Variants in XRN1 observed in about 807,000 individuals in gnomAD.
The protein encoded by XRN1 is strand-exchange protein 1 homolog.
XRN1 carries 67 observed loss-of-function variants against 222.3 expected under a neutral mutation model. The ratio of observed to expected loss-of-function variants is 0.30; its 90% confidence interval spans 0.25 to 0.37. The LOEUF (loss-of-function observed/expected upper bound fraction) is 0.37, where lower values mean the gene tolerates loss of function less well. Ranked by LOEUF, XRN1 falls within the 10% of genes least tolerant of loss-of-function variation. The pLI, the probability that XRN1 is intolerant of heterozygous loss-of-function variation, is 1.00. For synonymous variants in XRN1, 643 were observed against 652.4 expected (o/e 0.99, Z 0.22); for missense variants, 1,707 against 2,000.2 (o/e 0.85, Z 2.80).
At chr3:142,427,650 T>C (rs147285307) in intron 2 of XRN1, among the ~76,000 whole-genome samples, 227 of 152,330 alleles carry the variant, frequency 1.5e-3, no homozygotes, top group South Asian at 4.1e-3. Context: ...GAAAGCCTAA[T>C]GACATTAATG....
At chr3:142,418,463 AT>A (rs1376664838) in intron 12 of XRN1, 40 bp downstream of exon 12, 3 of 1,482,310 alleles carry the variant, frequency 2.0e-6, no homozygotes, top group Non-Finnish European at 2.8e-6. Flanking sequence ...GCAAAATCTA[AT>A]TTTTTCTATT....
chr3:142,395,267 T>C (rs1238904405), intron 20 of XRN1, among the ~76,000 whole-genome samples: 7 of 152,134 alleles, frequency 4.6e-5, no homozygotes, highest in Non-Finnish European at 7.4e-5. Context: ...GGGGGGAATA[T>C]GGTAGCAAAG....
chr3:142,425,634 T>C (rs2069217059), intron 3 of XRN1, 96 bp from the exon 4 acceptor site: 7 of 978,036 alleles, frequency 7.2e-6, no homozygotes, highest in Non-Finnish European at 9.2e-6. Context: ...ACGCCGGGAA[T>C]AGCTAGGTAG....
chr3:142,442,359 G>T (rs1472209869), intron 1 of XRN1, among the ~76,000 whole-genome samples: 6 of 151,802 alleles, frequency 4.0e-5, no homozygotes, highest in African/African-American at 9.7e-5. Flanking sequence ...CAAAAGAGCC[G>T]CAAGGCAGGA....
chr3:142,359,766 C>T lies in XRN1; in HGVS notation c.3464+96G>A, dbSNP rs2066566430. On this transcript the variant is annotated intron_variant, in intron 30 of 40. Coordinates refer to ENST00000392981, the MANE Select transcript of XRN1 (RefSeq NM_001282857.2). ...TAGTAGCAAGTACGTCTTACACATCCCACAAACTGAAATTGTAAACAAATA... is the reference window on the plus strand; with the variant it reads ...TAGTAGCAAGTACGTCTTACACATCTCACAAACTGAAATTGTAAACAAATA... The T allele has an allele frequency of 5.4e-6, 5 of 917,744 alleles. No individual in the cohort carries two copies. The South Asian group carries it at 8.7e-5, about 16-fold the overall frequency. The allele number at this position is 917,744 out of a possible 1,614,324, so 56.9% of individuals were successfully genotyped here. A position where few individuals can be genotyped will look rare whatever the true frequency, so the allele number is the denominator to read the frequency against.
rs116318685 is a variant in XRN1 at position 142,312,230 on chromosome 3, T to C, written c.4782+368A>G. Among the ~76,000 whole-genome samples the C allele has an allele frequency of 8.3e-3, 1,263 of 152,188 alleles. 19 individuals carry two copies. The highest frequency in any genetic ancestry group is 0.028 in the African/African-American group (1,156 of 41,514). On this transcript the variant is annotated intron_variant, in intron 40 of 40. Transcript: ENST00000392981. ...AAGTCAAGGCTGCAGGGAGTCGAGATTGTGCATGGGCTGCGTTCCAGCCTG... is the reference window on the plus strand; with the variant it reads ...AAGTCAAGGCTGCAGGGAGTCGAGACTGTGCATGGGCTGCGTTCCAGCCTG...
intron 39 of XRN1, among the ~76,000 whole-genome samples, chr3:142,314,957 T>G (rs1243028768): frequency 1.4e-5 from 2 of 146,588 alleles, no homozygotes; most frequent in Non-Finnish European, 3.0e-5. Flanking sequence ...GTCTGTTTTT[T>G]TTTTTTTTTT....
intron 5 of XRN1, 90 bp from the exon 6 acceptor site, chr3:142,423,732 G>T: frequency 1.1e-6 from 1 of 946,696 alleles, no homozygotes; most frequent in Non-Finnish European, 1.5e-6. Flanking sequence ...TTCTATACAA[G>T]GAAGAATAAG....
chr3:142,383,045 TA>T (rs34211436), intron 22 of XRN1, among the ~76,000 whole-genome samples: 91,192 of 151,410 alleles, frequency 0.6, 28,427 homozygotes, highest in African/African-American at 0.78. Flanking sequence ...ACAAAACTGC[TA>T]AAAAAAAAGA....
rs1355641400 is a variant in XRN1, at chr3:142,311,798, C to A, written c.4798G>T (p.Val1600Phe). The change falls in exon 41 of 41, where the codon GTT (valine) becomes TTT (phenylalanine). Residue 1600 changes from valine to phenylalanine, a missense_variant. Physicochemically the swap from Val to Phe is conservative, Grantham distance 50 (BLOSUM62 -1). Transcript: ENST00000392981. ...TTCTCAAAGTTCTTTTTGTTTGCAA[C>A]CCTTTTTTTAGTAACCTGTTAGGAA... The part of the protein sequence containing the change: ...FIPLQVTKKR[V>F]ANKKNFENKE... 2 of 1,589,688 alleles carry A rather than the reference C, an allele frequency of 1.3e-6. No homozygotes were observed. The highest frequency in any genetic ancestry group is 2.7e-5 in the African/African-American group (2 of 73,362).
At chr3:142,351,674 A>T (rs1356169170) in intron 32 of XRN1, among the ~76,000 whole-genome samples, 1 of 151,942 alleles carries the variant, frequency 6.6e-6, no homozygotes, top group African/African-American at 2.4e-5. Context: ...ATCCAACAAC[A>T]GTTTTCTTTT....
intron 20 of XRN1, among the ~76,000 whole-genome samples, chr3:142,386,260 A>G (rs1405314661): frequency 6.6e-6 from 1 of 152,064 alleles, no homozygotes; most frequent in East Asian, 1.9e-4. Context: ...TTCTCATGAA[A>G]GTAGATGCAA....
chr3:142,350,259 T>C (rs952594406), intron 32 of XRN1, among the ~76,000 whole-genome samples: 32 of 151,996 alleles, frequency 2.1e-4, no homozygotes, highest in Non-Finnish European at 4.4e-5. Context: ...CTTCATTGTA[T>C]ACATGAGGAC....
At chr3:142,333,410 T>C (rs1244951956) in intron 34 of XRN1, among the ~76,000 whole-genome samples, 2 of 152,116 alleles carry the variant, frequency 1.3e-5, no homozygotes. Context: ...ATAGTTAATA[T>C]GTAATAGTGT....
intron 39 of XRN1, among the ~76,000 whole-genome samples, chr3:142,315,023 C>T (rs1246327010): frequency 6.7e-6 from 1 of 150,062 alleles, no homozygotes; most frequent in African/African-American, 2.5e-5. Flanking sequence ...CAGCCTCCGC[C>T]TCACAGGCTC....
At chr3:142,386,244 C>T (rs2067494145) in intron 20 of XRN1, among the ~76,000 whole-genome samples, 1 of 151,798 alleles carries the variant, frequency 6.6e-6, no homozygotes, top group South Asian at 2.1e-4. Flanking sequence ...AATTATGGGC[C>T]AGTATTTCTC....
At chr3:142,444,476 T>C (rs1428315655) in intron 1 of XRN1, among the ~76,000 whole-genome samples, 3 of 152,054 alleles carry the variant, frequency 2.0e-5, no homozygotes, top group African/African-American at 7.2e-5. Flanking sequence ...CTAGGCGTAG[T>C]GGCACACGCC....
At chr3:142,434,209 C>T (rs946927505) in intron 1 of XRN1, among the ~76,000 whole-genome samples, 36 of 152,010 alleles carry the variant, frequency 2.4e-4, no homozygotes, top group African/African-American at 8.7e-4. Flanking sequence ...TGCAGTGGTG[C>T]GATCTCGGCT....
Position 142,316,310 on chromosome 3 carries a change from A to G in XRN1, c.4621+2282T>C, listed in dbSNP as rs538029300. Among the ~76,000 whole-genome samples the G allele has an allele frequency of 1.7e-3, 238 of 142,334 alleles. 1 individual carries two copies. The highest frequency in any genetic ancestry group is 5.0e-3 in the African/African-American group (188 of 37,752). 93.4% of individuals were successfully genotyped at this position (142,334 alleles called of 152,430 possible). A position where few individuals can be genotyped will look rare whatever the true frequency, so the allele number is the denominator to read the frequency against. ...CAGCTCACTGCAGCCTTGACCTCCCAGGCTCAAGTTATCCTCCCGCCTCAG... is the reference window on the plus strand; with the variant it reads ...CAGCTCACTGCAGCCTTGACCTCCCGGGCTCAAGTTATCCTCCCGCCTCAG... On this transcript the variant is annotated intron_variant, in intron 39 of 40. Coordinates refer to ENST00000392981, the MANE Select transcript of XRN1 (RefSeq NM_001282857.2).
Sources: allele counts gnomAD v4.1 joint callset (sites outside exome capture counted in the v4.1 genomes callset), GRCh38; gene constraint gnomAD v4.1.1; transcripts MANE v1.5; gene names NCBI Gene and HGNC (gene_info 2026-07-23, HGNC 2026-07-21).